Variants in GLI3 observed in about 807,000 individuals in gnomAD.
GLI3 encodes the protein GLI family zinc finger 3.
In GLI3, 20 loss-of-function variants were observed where a neutral mutation model predicts 100.8. The ratio of observed to expected loss-of-function variants is 0.20; its 90% CI spans 0.14 to 0.29. The LOEUF is 0.29. Among genes scored for constraint, GLI3 ranks in the 10% least tolerant of loss-of-function variants. The probability of loss-of-function intolerance (pLI) is 1.00; values close to 1 mark genes in which losing one functional copy is unlikely to be tolerated. For missense variants in GLI3, 2,040 were observed against 2,128.5 expected (o/e 0.96, Z 0.82); for synonymous variants, 938 against 860.5 (o/e 1.09, Z -1.58).
chr7:42,223,427 T>A, intron 1 of GLI3, 132 bp from the exon 2 acceptor site: 1 of 567,160 alleles, frequency 1.8e-6, no homozygotes, highest in Non-Finnish European at 3.1e-6. Context: ...ATGACACTTC[T>A]CCACAGGTTT....
chr7:42,065,457 G>C (rs867940421), intron 4 of GLI3, among the ~76,000 whole-genome samples: 2 of 152,036 alleles, frequency 1.3e-5, no homozygotes, highest in African/African-American at 4.8e-5. Context: ...TATCTACATT[G>C]AGGGTATAAT....
Position 42,014,343 on chromosome 7 carries a change from T to A in GLI3, c.1497+9125A>T, listed in dbSNP as rs1436722397. ...CTTCTGCCTTCCGGACATACTTTGGTTCTGCTCTAACTGCATTACTTATCA... is the reference window on the plus strand; with the variant it reads ...CTTCTGCCTTCCGGACATACTTTGGATCTGCTCTAACTGCATTACTTATCA... On this transcript the variant is annotated intron_variant, in intron 10 of 14. Coordinates refer to ENST00000395925, the MANE Select transcript of GLI3 (RefSeq NM_000168.6). Among the ~76,000 whole-genome samples, 2 of 152,248 alleles carry A rather than the reference T, an allele frequency of 1.3e-5. 1 individual carries two copies. Among genetic ancestry groups the A allele is most frequent in the Non-Finnish European group, 2.9e-5 (2 of 68,044 alleles).
At chr7:42,260,488 T>C (rs939414963) in intron 1 of GLI3, among the ~76,000 whole-genome samples, 4 of 152,240 alleles carry the variant, frequency 2.6e-5, no homozygotes, top group Admixed American at 1.3e-4. Context: ...TATAAGTATA[T>C]ACCTATGCAG....
intron 7 of GLI3, among the ~76,000 whole-genome samples, chr7:42,033,593 G>A (rs191275094): frequency 2.6e-5 from 4 of 152,306 alleles, no homozygotes; most frequent in Admixed American, 1.3e-4. Flanking sequence ...AAAGAGAGGG[G>A]AGAGAGACAC....
intron 7 of GLI3, among the ~76,000 whole-genome samples, chr7:42,034,878 T>C (rs1789397692): frequency 6.6e-6 from 1 of 152,110 alleles, no homozygotes; most frequent in Non-Finnish European, 1.5e-5. Flanking sequence ...GCTTTTCCCT[T>C]CTGTAAGTTC....
At chr7:42,136,153 G>C (rs1030635617) in intron 3 of GLI3, among the ~76,000 whole-genome samples, 2 of 152,162 alleles carry the variant, frequency 1.3e-5, no homozygotes, top group Non-Finnish European at 2.9e-5. Flanking sequence ...AACTGTTCTT[G>C]AGAACTGAGA....
At chr7:42,042,306 G>A (rs1056785246) in intron 6 of GLI3, among the ~76,000 whole-genome samples, 26 of 151,990 alleles carry the variant, frequency 1.7e-4, no homozygotes, top group African/African-American at 5.3e-4. Flanking sequence ...GAGCCACTGC[G>A]CCCACCTGTG....
chr7:41,986,184 T>TA (rs1340719615), intron 10 of GLI3, among the ~76,000 whole-genome samples: 7 of 152,298 alleles, frequency 4.6e-5, no homozygotes, highest in East Asian at 1.9e-4. Context: ...TAGGACGAGA[T>TA]AAAAAAATAC....
At chr7:42,196,077 C>G (rs1787923401) in intron 2 of GLI3, among the ~76,000 whole-genome samples, 1 of 152,178 alleles carries the variant, frequency 6.6e-6, no homozygotes. Context: ...CTCCCCTATC[C>G]TCACTAATAT....
At chr7:42,055,100 TATATGTATATATACAC>T (rs1356467245) in intron 4 of GLI3, among the ~76,000 whole-genome samples, 3 of 140,168 alleles carry the variant, frequency 2.1e-5, no homozygotes, top group South Asian at 4.4e-4. Context: ...TATATACACA[TATATGTATATATACAC>T]ATATATATAC....
chr7:42,015,473 A>C (rs1461870654), intron 10 of GLI3, among the ~76,000 whole-genome samples: 2 of 151,788 alleles, frequency 1.3e-5, no homozygotes, highest in African/African-American at 4.8e-5. Flanking sequence ...CCAAATCTTA[A>C]AAAAAAAGTC....
chr7:42,100,957 A>C (rs989757651), intron 3 of GLI3, among the ~76,000 whole-genome samples: 3 of 152,146 alleles, frequency 2.0e-5, no homozygotes, highest in African/African-American at 2.4e-5. Flanking sequence ...ACTGACAGAT[A>C]ATAAATTTCT....
At chr7:42,055,054 C>T (rs62442158) in intron 4 of GLI3, among the ~76,000 whole-genome samples, 29,496 of 127,936 alleles carry the variant, frequency 0.23, 3,458 homozygotes, top group African/African-American at 0.34. Context: ...TATATATACA[C>T]ACACATATAT....
intron 10 of GLI3, among the ~76,000 whole-genome samples, chr7:42,020,664 A>G (rs913001584): frequency 1.3e-5 from 2 of 152,216 alleles, no homozygotes; most frequent in Non-Finnish European, 2.9e-5. Flanking sequence ...GGAAACTGTT[A>G]ATGCTTCCCT....
At position 42,258,778 on chromosome 7, in the gene GLI3, C is replaced by G. The variant is rs192791317; in HGVS notation, c.-43+5216G>C. 3.3e-5 allele frequency among the ~76,000 whole-genome samples: 5 copies of G among 152,270 alleles called. No homozygotes were observed. The East Asian group carries it at 7.7e-4, about 24-fold the overall frequency. On this transcript the variant is annotated intron_variant, in intron 1 of 2. Transcript: ENST00000678978. ...AGGGCTTGAATCCCATTCACGAGAT[C>G]TCTGCCCTCCTGACCTAATCACCCA...
intron 2 of GLI3, among the ~76,000 whole-genome samples, chr7:42,207,434 C>G (rs1335722114): frequency 6.6e-6 from 1 of 152,140 alleles, no homozygotes; most frequent in Non-Finnish European, 1.5e-5. Flanking sequence ...AAGGTTTTCA[C>G]CTATCCTATC....
chr7:42,233,485 T>G (rs1788733067), intron 1 of GLI3, among the ~76,000 whole-genome samples: 1 of 152,192 alleles, frequency 6.6e-6, no homozygotes, highest in Non-Finnish European at 1.5e-5. Context: ...TAAACACAAA[T>G]GCATAGAGAC....
chr7:42,072,398 C>G (rs1784800596), intron 4 of GLI3, among the ~76,000 whole-genome samples: 1 of 152,200 alleles, frequency 6.6e-6, no homozygotes, highest in South Asian at 2.1e-4. Context: ...TTTAAAGCTA[C>G]TTTATAATTT....
At chr7:42,249,869 C>T (rs181115794) in intron 1 of GLI3, among the ~76,000 whole-genome samples, 24 of 152,118 alleles carry the variant, frequency 1.6e-4, no homozygotes, top group East Asian at 9.7e-4. Flanking sequence ...CTGAGTTGGG[C>T]GAATCACTTG....
Sources: gnomAD v4.1 joint callset for allele counts (sites outside exome capture counted in the v4.1 genomes callset) on GRCh38, gnomAD v4.1.1 for gene constraint, MANE v1.5 for transcripts, NCBI Gene and HGNC (gene_info 2026-07-23, HGNC 2026-07-21) for gene names.